Variants in MYO16 observed in about 807,000 individuals in gnomAD.
MYO16 encodes unconventional myosin-XVI.
MYO16 carries 94 observed loss-of-function variants against 205.3 expected under a neutral mutation model. The observed-to-expected ratio is 0.46, with a 90% CI of 0.39 to 0.54. The LOEUF is 0.54. MYO16 is among the 20% of genes least tolerant of loss of function. MYO16 has a pLI of 0.00. For synonymous variants in MYO16, 988 were observed against 954.0 expected, an observed-to-expected ratio of 1.04 and a Z score of -0.66; for missense variants, 2,315 against 2,387.5, an observed-to-expected ratio of 0.97 and a Z score of 0.63.
At chr13:108,955,027 G>A (rs1048335143) in intron 16 of MYO16, among the ~76,000 whole-genome samples, 4 of 152,136 alleles carry the variant, frequency 2.6e-5, no homozygotes, top group African/African-American at 7.2e-5. Context: ...TCCCTTCTCC[G>A]CAGCAAATGT....
chr13:108,921,341 G>T (rs1160758320), intron 16 of MYO16, among the ~76,000 whole-genome samples: 2 of 152,128 alleles, frequency 1.3e-5, no homozygotes, highest in East Asian at 3.9e-4. Flanking sequence ...CCATGTCCCA[G>T]TCCAAATCTA....
intron 16 of MYO16, among the ~76,000 whole-genome samples, chr13:108,923,827 G>A (rs1566413964): frequency 6.6e-6 from 1 of 152,216 alleles, no homozygotes; most frequent in Non-Finnish European, 1.5e-5. Flanking sequence ...TCATCAACAA[G>A]CATACGTAGA....
intron 7 of MYO16, among the ~76,000 whole-genome samples, chr13:108,815,858 A>G (rs1875555302): frequency 6.6e-6 from 1 of 152,198 alleles, no homozygotes; most frequent in African/African-American, 2.4e-5. Context: ...GACACAGACT[A>G]TTTTCAAGAC....
At chr13:109,176,652 G>C (rs1159295805) in intron 33 of MYO16, among the ~76,000 whole-genome samples, 1 of 141,076 alleles carries the variant, frequency 7.1e-6, no homozygotes, top group Non-Finnish European at 1.5e-5. Flanking sequence ...GTCCCTTCCA[G>C]TTCTCAAAAT....
At chr13:109,151,544 C>T (rs1382534470) in intron 32 of MYO16, among the ~76,000 whole-genome samples, 1 of 152,102 alleles carries the variant, frequency 6.6e-6, no homozygotes, top group Non-Finnish European at 1.5e-5. Flanking sequence ...TTGTGCATTA[C>T]CTGAAGTCCT....
chr13:109,116,454 C>T (rs985547233), intron 28 of MYO16, among the ~76,000 whole-genome samples: 1 of 152,128 alleles, frequency 6.6e-6, no homozygotes, highest in Admixed American at 6.5e-5. Context: ...CCTTCCCAGC[C>T]ATTATCCCAA....
At chr13:109,058,256 C>A (rs1235304668) in intron 27 of MYO16, among the ~76,000 whole-genome samples, 1 of 152,014 alleles carries the variant, frequency 6.6e-6, no homozygotes, top group Non-Finnish European at 1.5e-5. Context: ...GGTGCCGGTG[C>A]CTTGGTGATC....
At chr13:108,635,001 A>C (rs1566518172) in intron 1 of MYO16, among the ~76,000 whole-genome samples, 1 of 152,174 alleles carries the variant, frequency 6.6e-6, no homozygotes, top group East Asian at 1.9e-4. Flanking sequence ...ATAGCTAAGT[A>C]GTGTAATAGT....
intron 1 of MYO16, among the ~76,000 whole-genome samples, chr13:108,648,971 C>T (rs867326944): frequency 2.0e-5 from 3 of 150,532 alleles, no homozygotes; most frequent in Non-Finnish European, 4.4e-5. Context: ...TTGACATTGA[C>T]AGCCATGATA....
intron 2 of MYO16, among the ~76,000 whole-genome samples, chr13:108,687,647 T>C (rs1386102243): frequency 2.6e-5 from 4 of 152,200 alleles, no homozygotes; most frequent in Non-Finnish European, 4.4e-5. Context: ...TTGATGTATT[T>C]GAACAACGCA....
intron 23 of MYO16, among the ~76,000 whole-genome samples, chr13:109,026,407 ACCTGGAACT>A (rs372039522): frequency 6.6e-6 from 1 of 152,138 alleles, no homozygotes; most frequent in African/African-American, 2.4e-5. Context: ...GCCAAGGAAC[ACCTGGAACT>A]CCCAGAAGTT....
chr13:109,115,096 C>T (rs1456223000), intron 28 of MYO16, among the ~76,000 whole-genome samples: 1 of 151,776 alleles, frequency 6.6e-6, no homozygotes, highest in East Asian at 1.9e-4. Flanking sequence ...CAGAAACACT[C>T]AGCACTCCTA....
At chr13:108,969,061 A>C (rs1883910897) in intron 20 of MYO16, among the ~76,000 whole-genome samples, 1 of 152,190 alleles carries the variant, frequency 6.6e-6, no homozygotes, top group Non-Finnish European at 1.5e-5. Context: ...GCACAAAGGT[A>C]TGTGGGCTTT....
the MYO16 span, among the ~76,000 whole-genome samples, chr13:108,529,596 C>G: frequency 1.3e-5 from 2 of 152,140 alleles, no homozygotes; most frequent in African/African-American, 4.8e-5. Context: ...GACTGGGGAC[C>G]TGAGTCTGGG....
chr13:109,036,585 G>A (rs1566474651), intron 23 of MYO16, among the ~76,000 whole-genome samples: 1 of 152,116 alleles, frequency 6.6e-6, no homozygotes, highest in Non-Finnish European at 1.5e-5. Flanking sequence ...AATGAGGATC[G>A]CTAACTGCCG....
At chr13:109,013,092 C>A (rs1301711334) in intron 22 of MYO16, among the ~76,000 whole-genome samples, 5 of 135,520 alleles carry the variant, frequency 3.7e-5, no homozygotes, top group Non-Finnish European at 7.9e-5. Flanking sequence ...TTAGGTATTT[C>A]TCCTAATGCT....
At chr13:108,732,480 G>T (rs1374227593) in intron 4 of MYO16, among the ~76,000 whole-genome samples, 1 of 152,228 alleles carries the variant, frequency 6.6e-6, no homozygotes, top group Non-Finnish European at 1.5e-5. Flanking sequence ...GTGGGTGCAA[G>T]TGTGCCAGCC....
chr13:108,501,956 G>A, the MYO16 span, among the ~76,000 whole-genome samples: 1 of 152,196 alleles, frequency 6.6e-6, no homozygotes, highest in Non-Finnish European at 1.5e-5. Flanking sequence ...AAAATAAGTT[G>A]TAATCCCAGC....
rs138786655 is a variant in MYO16 at position 108,662,389 on chromosome 13, G to A, written c.29-3497G>A. Among the ~76,000 whole-genome samples, 25 of 152,286 alleles carry A rather than the reference G, an allele frequency of 1.6e-4. No homozygotes were observed. The East Asian group carries it at 4.8e-3, about 29-fold the overall frequency. ...GTTTGCCACTACCAGGGTGGATAGG[G>A]AAGGACCATTAAGTGGGAACAAGGC... On this transcript the variant is annotated intron_variant, in intron 1 of 34. Transcript: ENST00000457511.
Sources: allele counts gnomAD v4.1 joint callset (sites outside exome capture counted in the v4.1 genomes callset), GRCh38; gene constraint gnomAD v4.1.1; transcripts MANE v1.5; gene names NCBI Gene and HGNC (gene_info 2026-07-23, HGNC 2026-07-21).